Variants in WWOX observed in about 807,000 individuals in gnomAD.
WWOX encodes the protein WW domain-containing oxidoreductase.
Under a neutral mutation model 46.2 loss-of-function variants are expected in WWOX, and 69 were observed. The observed-to-expected ratio is 1.49, with a 90% confidence interval of 1.23 to 1.82. The LOEUF is 1.82. Among genes scored for constraint, WWOX ranks in the 40% most tolerant of loss-of-function variants. The pLI is 0.00. For missense variants in WWOX, 919 were observed against 542.6 expected, an observed-to-expected ratio of 1.69 and a Z score of -6.89; for synonymous variants, 359 against 202.6, an observed-to-expected ratio of 1.77 and a Z score of -6.56.
chr16:78,353,027 T>C (rs2081215286), intron 5 of WWOX, among the ~76,000 whole-genome samples: 1 of 152,234 alleles, frequency 6.6e-6, no homozygotes, highest in South Asian at 2.1e-4. Flanking sequence ...TTTATTCGTC[T>C]TTCTTCTTTT....
chr16:78,215,304 C>G (rs1457942796), intron 5 of WWOX, among the ~76,000 whole-genome samples: 2 of 152,164 alleles, frequency 1.3e-5, no homozygotes, highest in Non-Finnish European at 2.9e-5. Flanking sequence ...CCACCCAAAT[C>G]TCATTTTGAA....
chr16:79,157,860 G>C (rs936870075), intron 8 of WWOX, among the ~76,000 whole-genome samples: 2 of 152,188 alleles, frequency 1.3e-5, no homozygotes, highest in African/African-American at 2.4e-5. Context: ...GTAGACTAGG[G>C]TTTGAGTAAG....
intron 8 of WWOX, among the ~76,000 whole-genome samples, chr16:78,809,906 C>T (rs893118573): frequency 6.6e-6 from 1 of 152,172 alleles, no homozygotes; most frequent in African/African-American, 2.4e-5. Flanking sequence ...CGTGGGTTAG[C>T]ATGTTCCACA....
At chr16:78,143,752 G>GTTTTTTT (rs200125720) in intron 4 of WWOX, among the ~76,000 whole-genome samples, 29 of 120,190 alleles carry the variant, frequency 2.4e-4, no homozygotes, top group Non-Finnish European at 2.7e-4. Context: ...GAATTGGTAT[G>GTTTTTTT]TTTTTTTTTT....
intron 8 of WWOX, among the ~76,000 whole-genome samples, chr16:79,044,130 C>T (rs1444145641): frequency 6.6e-6 from 1 of 152,216 alleles, no homozygotes; most frequent in East Asian, 1.9e-4. Context: ...AGAAAAGGAA[C>T]ACGTACTGGG....
At chr16:78,908,500 A>G (rs1448508433) in intron 8 of WWOX, among the ~76,000 whole-genome samples, 1 of 150,300 alleles carries the variant, frequency 6.7e-6, no homozygotes, top group Admixed American at 6.7e-5. Flanking sequence ...AGATCACACC[A>G]CTGCACTCCA....
At chr16:78,115,415 A>G (rs1177809616) in intron 4 of WWOX, among the ~76,000 whole-genome samples, 1 of 152,216 alleles carries the variant, frequency 6.6e-6, no homozygotes, top group Non-Finnish European at 1.5e-5. Context: ...GGGATGAGAG[A>G]CAACAGGCTC....
chr16:78,635,922 C>T (rs1250697754), intron 8 of WWOX, among the ~76,000 whole-genome samples: 1 of 152,138 alleles, frequency 6.6e-6, no homozygotes, highest in East Asian at 1.9e-4. Context: ...TCGTATTATA[C>T]AGAGCCAAGA....
chr16:78,952,184 A>T (rs982335497), intron 8 of WWOX, among the ~76,000 whole-genome samples: 4 of 151,986 alleles, frequency 2.6e-5, no homozygotes, highest in Non-Finnish European at 5.9e-5. Context: ...GCCCTCCTGC[A>T]GCAGGGCTTT....
intron 4 of WWOX, among the ~76,000 whole-genome samples, chr16:78,117,843 C>A (rs1448653603): frequency 6.6e-6 from 1 of 152,134 alleles, no homozygotes; most frequent in East Asian, 1.9e-4. Context: ...TCAAGGGAGC[C>A]TGTTTTCTTT....
intron 8 of WWOX, among the ~76,000 whole-genome samples, chr16:78,685,246 G>C (rs2047827942): frequency 6.6e-6 from 1 of 152,164 alleles, no homozygotes; most frequent in African/African-American, 2.4e-5. Flanking sequence ...GTAGAGTCAA[G>C]TGTTTGGTTT....
chr16:78,419,252 A>G (rs965616577), intron 6 of WWOX, among the ~76,000 whole-genome samples: 3 of 152,158 alleles, frequency 2.0e-5, no homozygotes, highest in Non-Finnish European at 4.4e-5. Flanking sequence ...CTCTATTAAA[A>G]TTTCAGTTGA....
At chr16:78,751,260 A>T (rs1460336495) in intron 8 of WWOX, among the ~76,000 whole-genome samples, 2 of 151,758 alleles carry the variant, frequency 1.3e-5, no homozygotes, top group Non-Finnish European at 2.9e-5. Flanking sequence ...AGATAAATAT[A>T]CCTGGAAACT....
intron 5 of WWOX, among the ~76,000 whole-genome samples, chr16:78,332,128 G>C (rs1479645414): frequency 6.6e-6 from 1 of 152,094 alleles, no homozygotes; most frequent in Non-Finnish European, 1.5e-5. Flanking sequence ...TCCTGTGTTT[G>C]TACCTTGTTT....
At chr16:78,975,131 T>TA (rs2046545668) in intron 8 of WWOX, among the ~76,000 whole-genome samples, 2 of 152,228 alleles carry the variant, frequency 1.3e-5, no homozygotes, top group South Asian at 2.1e-4. Context: ...CAATAAAAGA[T>TA]ACTCCAGTCC....
At chr16:78,618,624 T>A (rs1291419266) in intron 8 of WWOX, among the ~76,000 whole-genome samples, 1 of 152,108 alleles carries the variant, frequency 6.6e-6, no homozygotes, top group African/African-American at 2.4e-5. Flanking sequence ...ACATACAAAG[T>A]CTGGGACACA....
intron 8 of WWOX, among the ~76,000 whole-genome samples, chr16:78,688,555 A>C (rs982599287): frequency 3.3e-5 from 5 of 152,098 alleles, no homozygotes; most frequent in Non-Finnish European, 5.9e-5. Context: ...CAGCGGAGAC[A>C]ACTGTCCCCC....
chr16:79,003,036 G>A (rs974499781), intron 8 of WWOX, among the ~76,000 whole-genome samples: 1 of 152,024 alleles, frequency 6.6e-6, no homozygotes, highest in Non-Finnish European at 1.5e-5. Flanking sequence ...CCAGCCACAG[G>A]GCCTCACAGC....
rs182020260 is a variant in WWOX, at chr16:78,499,445, A to G, written c.1056+66693A>G. 2.3e-4 allele frequency among the ~76,000 whole-genome samples: 35 copies of G among 152,038 alleles called. No individual in the cohort carries two copies. In the East Asian group the frequency reaches 5.4e-3, roughly 24 times the overall value. ...GTATCCCACCTGTTCACTTTTTACC[A>G]TAGCTAACCTTTCTAAGTGGTCAGG... On this transcript the variant is annotated intron_variant, in intron 8 of 8. Coordinates refer to ENST00000566780, the MANE Select transcript of WWOX (RefSeq NM_016373.4).
Sources: allele counts gnomAD v4.1 joint callset (sites outside exome capture counted in the v4.1 genomes callset), GRCh38; gene constraint gnomAD v4.1.1; transcripts MANE v1.5; gene names NCBI Gene and HGNC (gene_info 2026-07-23, HGNC 2026-07-21).